The following DEPTOR variants were observed in gnomAD, a reference collection of about 807,000 sequenced individuals.
The protein encoded by DEPTOR is DEP domain-containing mTOR-interacting protein.
DEPTOR carries 41 observed loss-of-function variants against 41.6 expected under a neutral mutation model. The ratio of observed to expected loss-of-function variants is 0.98; its 90% confidence interval spans 0.77 to 1.28. DEPTOR has a LOEUF of 1.28. Among genes scored for constraint, DEPTOR ranks in the 50% most tolerant of loss-of-function variants. The pLI is 0.00. For synonymous variants in DEPTOR, 195 were observed against 192.3 expected (o/e 1.01, Z -0.12); for missense variants, 514 against 527.9 (o/e 0.97, Z 0.26).
At chr8:119,980,956 T>TC (rs1370919950) in intron 4 of DEPTOR, among the ~76,000 whole-genome samples, 4 of 152,202 alleles carry the variant, frequency 2.6e-5, no homozygotes, top group Non-Finnish European at 5.9e-5. Flanking sequence ...ACAAATGTTC[T>TC]CCCTTCCCCA....
chr8:119,980,453 T>TTTTCTTTTC, intron 4 of DEPTOR, among the ~76,000 whole-genome samples: 1 of 110,928 alleles, frequency 9.0e-6, no homozygotes, highest in South Asian at 3.6e-4. Context: ...TCATTTTTCT[T>TTTTCTTTTC]TTTTCTTTTC....
chr8:119,934,417 C>T (rs999431884), intron 3 of DEPTOR, among the ~76,000 whole-genome samples: 74 of 152,190 alleles, frequency 4.9e-4, no homozygotes, highest in African/African-American at 1.5e-3. Context: ...AGGCATGGAT[C>T]GTCCTGCACA....
chr8:119,897,906 T>G (rs758294819), intron 1 of DEPTOR, among the ~76,000 whole-genome samples: 1 of 152,244 alleles, frequency 6.6e-6, no homozygotes, highest in East Asian at 1.9e-4. Context: ...TAGTTGCTCC[T>G]GCTATTAATA....
At chr8:120,043,822 G>T (rs67872361) in intron 8 of DEPTOR, among the ~76,000 whole-genome samples, 1 of 151,666 alleles carries the variant, frequency 6.6e-6, no homozygotes, top group Non-Finnish European at 1.5e-5. Context: ...GACCAGCCTC[G>T]CCAACATGGT....
At chr8:119,969,401 C>G (rs1259009638) in intron 4 of DEPTOR, among the ~76,000 whole-genome samples, 98 of 149,200 alleles carry the variant, frequency 6.6e-4, no homozygotes, top group African/African-American at 2.3e-3. Context: ...GTTGCCCAGG[C>G]TGGAGTGCAA....
chr8:120,010,865 A>G (rs922778946), intron 8 of DEPTOR, among the ~76,000 whole-genome samples: 2 of 152,020 alleles, frequency 1.3e-5, no homozygotes, highest in Non-Finnish European at 2.9e-5. Context: ...CATTGTTTTT[A>G]TTTAAGAGGA....
At chr8:119,876,013 T>C (rs1180213175) in intron 1 of DEPTOR, among the ~76,000 whole-genome samples, 1 of 152,262 alleles carries the variant, frequency 6.6e-6, no homozygotes, top group East Asian at 1.9e-4. Context: ...TCTTCATTAC[T>C]GGGCCATCTT....
At chr8:119,984,962 G>A (rs575171174) in intron 4 of DEPTOR, among the ~76,000 whole-genome samples, 86 of 152,250 alleles carry the variant, frequency 5.6e-4, no homozygotes, top group African/African-American at 1.8e-3. Context: ...CAAGGCAGGC[G>A]GATCATGAGG....
chr8:119,890,038 C>T (rs1374712763), intron 1 of DEPTOR, among the ~76,000 whole-genome samples: 2 of 152,090 alleles, frequency 1.3e-5, no homozygotes, highest in Admixed American at 6.5e-5. Context: ...AATCTTGGCT[C>T]ACTGGAACAT....
At chr8:119,930,225 C>T (rs1828024246) in intron 3 of DEPTOR, among the ~76,000 whole-genome samples, 1 of 152,050 alleles carries the variant, frequency 6.6e-6, no homozygotes, top group African/African-American at 2.4e-5. Flanking sequence ...GTGGATGCCC[C>T]TTTCCTCTCT....
intron 1 of DEPTOR, among the ~76,000 whole-genome samples, chr8:119,912,964 C>T (rs932344571): frequency 2.6e-5 from 4 of 152,212 alleles, no homozygotes; most frequent in East Asian, 1.9e-4. Flanking sequence ...TCTGTTGCCC[C>T]TGCTGGAGTG....
intron 4 of DEPTOR, among the ~76,000 whole-genome samples, chr8:119,972,648 A>T (rs528126020): frequency 1.2e-4 from 18 of 147,814 alleles, no homozygotes; most frequent in African/African-American, 4.5e-4. Flanking sequence ...AAAAAAAAGT[A>T]ATGTGCTGAA....
At chr8:120,000,367 G>A (rs910842032) in intron 4 of DEPTOR, among the ~76,000 whole-genome samples, 2 of 152,052 alleles carry the variant, frequency 1.3e-5, no homozygotes, top group Non-Finnish European at 2.9e-5. Context: ...AAGTGTCTTT[G>A]TTTTGGACAT....
chr8:120,000,672 A>G (rs546918003), intron 4 of DEPTOR, among the ~76,000 whole-genome samples: 1 of 151,166 alleles, frequency 6.6e-6, no homozygotes, highest in South Asian at 2.2e-4. Context: ...CATGTTGGCC[A>G]GGCTGGTGTC....
intron 1 of DEPTOR, among the ~76,000 whole-genome samples, chr8:119,916,677 T>G (rs1237104690): frequency 6.6e-6 from 1 of 152,194 alleles, no homozygotes; most frequent in East Asian, 1.9e-4. Flanking sequence ...TGGTGGAGGT[T>G]CAGTACATGC....
chr8:120,003,103 C>T lies in DEPTOR; in HGVS notation c.917C>T (p.Pro306Leu), dbSNP rs1192452325. ...AGCAGCCCCCCTGTGCTCTGCAACCCCAAGTCCGGTGAGTGCCCAAAAGGT... is the reference window on the plus strand; with the variant it reads ...AGCAGCCCCCCTGTGCTCTGCAACCTCAAGTCCGGTGAGTGCCCAAAAGGT... ...LSSSPPVLCN[P>L]KSVLKRPVTS... The change falls in exon 6 of 9, where the codon CCC becomes CTC. Residue 306 changes from proline (P) to leucine (L), a missense_variant. Pro to Leu is a moderately conservative substitution (Grantham distance 98). Transcript: ENST00000286234. 6.2e-7 allele frequency: 1 copy of T among 1,612,144 alleles called. No individual in the cohort carries two copies. The highest frequency in any genetic ancestry group is 1.3e-5 in the African/African-American group (1 of 74,860).
intron 8 of DEPTOR, among the ~76,000 whole-genome samples, chr8:120,019,546 G>C (rs1178869552): frequency 7.9e-5 from 12 of 152,070 alleles, no homozygotes; most frequent in Admixed American, 7.9e-4. Context: ...CATTCCTCAC[G>C]CCCGTGTAAC....
At chr8:119,938,682 G>T (rs1186123021) in intron 3 of DEPTOR, among the ~76,000 whole-genome samples, 1 of 152,002 alleles carries the variant, frequency 6.6e-6, no homozygotes, top group Non-Finnish European at 1.5e-5. Context: ...CTGGCTAATG[G>T]TTTATTTTCA....
chr8:119,942,719 G>GTCA (rs1309763623), intron 3 of DEPTOR, among the ~76,000 whole-genome samples: 1 of 152,144 alleles, frequency 6.6e-6, no homozygotes, highest in African/African-American at 2.4e-5. Context: ...TAAGTTTTCT[G>GTCA]GAGTTGAAGA....
Sources: gnomAD v4.1 joint callset for allele counts (sites outside exome capture counted in the v4.1 genomes callset) on GRCh38, gnomAD v4.1.1 for gene constraint, MANE v1.5 for transcripts, NCBI Gene and HGNC (gene_info 2026-07-23, HGNC 2026-07-21) for gene names.